The following ASAP1 variants were observed in gnomAD, a reference collection of about 807,000 sequenced individuals.
ASAP1 encodes ArfGAP with SH3 domain, ankyrin repeat and PH domain 1.
In ASAP1, 43 loss-of-function variants were observed where a neutral mutation model predicts 145.2. The observed-to-expected ratio is 0.30, with a 90% CI of 0.23 to 0.38. ASAP1 has a LOEUF of 0.38. ASAP1 is among the 10% of genes least tolerant of loss of function. The pLI is 1.00. For synonymous variants in ASAP1, 546 were observed against 515.5 expected (o/e 1.06, Z -0.80); for missense variants, 1,018 against 1,355.3 (o/e 0.75, Z 3.91).
At chr8:130,283,846 T>C (rs868628902) in intron 3 of ASAP1, among the ~76,000 whole-genome samples, 3 of 152,080 alleles carry the variant, frequency 2.0e-5, no homozygotes, top group African/African-American at 7.2e-5. Flanking sequence ...TGAAAAGCCA[T>C]GATAATGTCC....
intron 3 of ASAP1, among the ~76,000 whole-genome samples, chr8:130,343,485 A>G (rs527629386): frequency 3.4e-4 from 52 of 152,362 alleles, no homozygotes; most frequent in Admixed American, 3.4e-3. Context: ...GGAGAAACTT[A>G]AATCGAGACC....
chr8:130,131,684 C>G (rs951794580), intron 15 of ASAP1, among the ~76,000 whole-genome samples: 1 of 150,222 alleles, frequency 6.7e-6, no homozygotes, highest in Non-Finnish European at 1.5e-5. Context: ...TAGCTACTTG[C>G]AAGGCTGCGA....
chr8:130,296,041 G>C (rs1252410629), intron 3 of ASAP1, among the ~76,000 whole-genome samples: 1 of 152,160 alleles, frequency 6.6e-6, no homozygotes, highest in Non-Finnish European at 1.5e-5. Flanking sequence ...GCTCACCTCT[G>C]AAACCCCAGC....
At chr8:130,063,199 C>G (rs1282934806) in intron 27 of ASAP1, among the ~76,000 whole-genome samples, 1 of 152,030 alleles carries the variant, frequency 6.6e-6, no homozygotes, top group East Asian at 1.9e-4. Context: ...TCTATTGAGA[C>G]AGGGTCTCCC....
intron 24 of ASAP1, among the ~76,000 whole-genome samples, chr8:130,095,294 A>ATTTTTTTTT (rs71302392): frequency 1.0e-5 from 1 of 95,704 alleles, no homozygotes; most frequent in African/African-American, 4.3e-5. Context: ...TAGGCCAGTG[A>ATTTTTTTTT]TTTTTTTTTT....
rs146616020 is a variant in ASAP1 at position 130,410,382 on chromosome 8, G to A, written c.-27-8412C>T. ...AAGTGAATGCCAGAGAAACAGCCTC[G>A]GGACCCCCAAGAAGAGAACAACGAA... On this transcript the variant is annotated intron_variant, in intron 1 of 29. Transcript: ENST00000518721. Among the ~76,000 whole-genome samples the A allele has an allele frequency of 1.4e-4, 22 of 151,980 alleles. No homozygotes were observed. In the East Asian group the frequency reaches 1.7e-3, roughly 12 times the overall value.
At position 130,358,775 on chromosome 8, in the gene ASAP1, C is replaced by G. The variant is rs948452692; in HGVS notation, c.60-632G>C. On this transcript the variant is annotated intron_variant, in intron 2 of 29. Coordinates refer to ENST00000518721, the MANE Select transcript of ASAP1 (RefSeq NM_018482.4). This position sits in a 1 kb window ranked among gnomAD's most constrained non-coding sequence, Gnocchi z 4.1. ...CCGCCCCGCCCCCGCTCGCGCACAG[C>G]CCCTGGGGCCTGGCTCCGAAGCTGC... 2.7e-5 allele frequency among the ~76,000 whole-genome samples: 4 copies of G among 146,902 alleles called. No individual in the cohort carries two copies. The highest frequency in any genetic ancestry group is 6.0e-5 in the Non-Finnish European group (4 of 66,140).
At chr8:130,178,870 A>G (rs1029836799) in intron 9 of ASAP1, among the ~76,000 whole-genome samples, 1 of 152,024 alleles carries the variant, frequency 6.6e-6, no homozygotes, top group African/African-American at 2.4e-5. Flanking sequence ...GCCAGGCAAC[A>G]GAGTGAGACT....
At chr8:130,072,902 G>T (rs963375783) in intron 27 of ASAP1, among the ~76,000 whole-genome samples, 1 of 149,228 alleles carries the variant, frequency 6.7e-6, no homozygotes, top group African/African-American at 2.5e-5. Flanking sequence ...GACAGTGTCG[G>T]AACTGAATTC....
At chr8:130,128,137 T>A in intron 15 of ASAP1, 47 bp from the exon 16 acceptor site, 10 of 499,892 alleles carry the variant, frequency 2.0e-5, no homozygotes, top group Non-Finnish European at 2.8e-5. Context: ...AAGAGCATGG[T>A]CATTTTTTTT....
chr8:130,280,579 T>G (rs1466634234), intron 3 of ASAP1, among the ~76,000 whole-genome samples: 1 of 152,236 alleles, frequency 6.6e-6, no homozygotes, highest in African/African-American at 2.4e-5. Context: ...ACTGGACTCT[T>G]CCAGCTTTGA....
chr8:130,216,730 A>C (rs1421166437), intron 4 of ASAP1, among the ~76,000 whole-genome samples: 1 of 152,056 alleles, frequency 6.6e-6, no homozygotes, highest in Non-Finnish European at 1.5e-5. Flanking sequence ...GCCCAGAAAA[A>C]CCCACCCTCT....
chr8:130,121,413 A>G (rs749671613), intron 18 of ASAP1, among the ~76,000 whole-genome samples: 1 of 152,202 alleles, frequency 6.6e-6, no homozygotes, highest in South Asian at 2.1e-4. Flanking sequence ...AAGTCATGAC[A>G]ACTGAGTATC....
At chr8:130,278,311 TA>T (rs1821045462) in intron 3 of ASAP1, among the ~76,000 whole-genome samples, 1 of 152,076 alleles carries the variant, frequency 6.6e-6, no homozygotes. Context: ...TCACATCCCA[TA>T]ATCTAGACAT....
chr8:130,085,681 G>C (rs959404139), intron 25 of ASAP1, among the ~76,000 whole-genome samples: 4 of 142,158 alleles, frequency 2.8e-5, no homozygotes, highest in African/African-American at 1.0e-4. Context: ...GCTACAATAA[G>C]CCATGATTGT....
chr8:130,253,048 T>C (rs1819300084), intron 3 of ASAP1, among the ~76,000 whole-genome samples: 1 of 152,180 alleles, frequency 6.6e-6, no homozygotes, highest in Admixed American at 6.5e-5. Context: ...TTGACCTAAA[T>C]GATTCAAAAT....
At chr8:130,225,822 T>C (rs530447641) in intron 4 of ASAP1, among the ~76,000 whole-genome samples, 1 of 152,274 alleles carries the variant, frequency 6.6e-6, no homozygotes, top group East Asian at 1.9e-4. Context: ...CAGAAACTAA[T>C]ATGGAGCCTT....
At chr8:130,223,287 T>A (rs1817401894) in intron 4 of ASAP1, among the ~76,000 whole-genome samples, 1 of 152,158 alleles carries the variant, frequency 6.6e-6, no homozygotes, top group Non-Finnish European at 1.5e-5. Flanking sequence ...ACACAGAGAC[T>A]TGGGTCTGAA....
At chr8:130,254,387 A>T (rs1000350282) in intron 3 of ASAP1, among the ~76,000 whole-genome samples, 2 of 152,198 alleles carry the variant, frequency 1.3e-5, no homozygotes, top group African/African-American at 4.8e-5. Context: ...GTGAGAAGTA[A>T]TCATACAGTG....
Sources: allele counts gnomAD v4.1 joint callset (sites outside exome capture counted in the v4.1 genomes callset), GRCh38; gene constraint gnomAD v4.1.1; non-coding constraint Gnocchi (gnomAD v3.1); transcripts MANE v1.5; gene names NCBI Gene and HGNC (gene_info 2026-07-23, HGNC 2026-07-21).